Variants in CCDC170 observed in about 807,000 individuals in gnomAD.
CCDC170 encodes the protein coiled-coil domain containing 170, also known as coiled-coil domain-containing protein 170.
In CCDC170, 69 loss-of-function variants were observed where a neutral mutation model predicts 72.6. That is an observed-to-expected ratio of 0.95 (90% confidence interval 0.78 to 1.16). The LOEUF is 1.16. Ranked by LOEUF, CCDC170 falls within the 50% of genes most tolerant of loss-of-function variation. The probability of loss-of-function intolerance (pLI) is 0.00; values close to 1 mark genes in which losing one functional copy is unlikely to be tolerated. For synonymous variants in CCDC170, 300 were observed against 303.9 expected, an observed-to-expected ratio of 0.99 and a Z score of 0.13; for missense variants, 852 against 832.5, an observed-to-expected ratio of 1.02 and a Z score of -0.29.
intron 9 of CCDC170, among the ~76,000 whole-genome samples, chr6:151,605,044 C>A (rs1262462098): frequency 2.0e-5 from 3 of 152,166 alleles, no homozygotes; most frequent in Non-Finnish European, 4.4e-5. Context: ...TTTTCCTGTG[C>A]CCTGCCCCCA....
intron 1 of CCDC170, among the ~76,000 whole-genome samples, chr6:151,495,435 G>C (rs560546542): frequency 6.6e-6 from 1 of 151,956 alleles, no homozygotes; most frequent in South Asian, 2.1e-4. Context: ...GTAAATTACA[G>C]CCATCATGAT....
chr6:151,509,189 C>T (rs934748885), intron 1 of CCDC170, among the ~76,000 whole-genome samples: 1 of 151,416 alleles, frequency 6.6e-6, no homozygotes, highest in Non-Finnish European at 1.5e-5. Context: ...TCTCTCCCCC[C>T]TTTCGCTCTC....
intron 5 of CCDC170, among the ~76,000 whole-genome samples, chr6:151,558,737 T>C (rs1783028304): frequency 6.6e-6 from 1 of 152,182 alleles, no homozygotes; most frequent in Non-Finnish European, 1.5e-5. Flanking sequence ...TTCTTTATTC[T>C]GTTCCATTTA....
intron 6 of CCDC170, among the ~76,000 whole-genome samples, chr6:151,577,468 A>G (rs1399778971): frequency 2.0e-5 from 3 of 152,236 alleles, no homozygotes; most frequent in Admixed American, 1.3e-4. Flanking sequence ...CAATGACAGA[A>G]AGTTACGACA....
intron 5 of CCDC170, among the ~76,000 whole-genome samples, chr6:151,571,035 A>G (rs1776210707): frequency 6.6e-6 from 1 of 152,208 alleles, no homozygotes. Context: ...TTTCAAATTG[A>G]TGCCTGAGAC....
At chr6:151,519,305 G>C (rs548094627) in intron 1 of CCDC170, among the ~76,000 whole-genome samples, 1 of 152,186 alleles carries the variant, frequency 6.6e-6, no homozygotes, top group South Asian at 2.1e-4. Context: ...TTCCCTACTT[G>C]CATGTCCATT....
intron 1 of CCDC170, among the ~76,000 whole-genome samples, chr6:151,500,652 C>T (rs149569453): frequency 6.6e-6 from 1 of 152,148 alleles, no homozygotes; most frequent in East Asian, 1.9e-4. Flanking sequence ...ATGCAAAATA[C>T]TTTAACACAA....
At position 151,508,590 on chromosome 6, in the gene CCDC170, G is replaced by A. The variant is rs1782097407; in HGVS notation, c.57+14405G>A. On this transcript the variant is annotated intron_variant, in intron 1 of 10. Coordinates refer to ENST00000239374, the MANE Select transcript of CCDC170 (RefSeq NM_025059.4). ...TAGCCGGGAGTGGTAGCGTGTGCCT[G>A]TAATCCCAGCTACTCAGGAGGCTGA... Among the ~76,000 whole-genome samples the A allele has an allele frequency of 2.6e-5, 4 of 152,134 alleles. No homozygotes were observed. The South Asian group carries it at 6.2e-4, about 24-fold the overall frequency.
At chr6:151,500,566 T>C (rs1322174047) in intron 1 of CCDC170, among the ~76,000 whole-genome samples, 1 of 147,368 alleles carries the variant, frequency 6.8e-6, no homozygotes, top group African/African-American at 2.5e-5. Context: ...TATGGGAAGG[T>C]TGAAAGTAAA....
At chr6:151,497,996 A>C (rs1227626874) in intron 1 of CCDC170, among the ~76,000 whole-genome samples, 2 of 151,990 alleles carry the variant, frequency 1.3e-5, no homozygotes, top group Non-Finnish European at 2.9e-5. Flanking sequence ...CTAATTATAA[A>C]ATAGGATCAC....
At chr6:151,547,771 C>G (rs1173546309) in intron 4 of CCDC170, among the ~76,000 whole-genome samples, 2 of 152,190 alleles carry the variant, frequency 1.3e-5, no homozygotes, top group African/African-American at 2.4e-5. Flanking sequence ...CCCAGTTAAC[C>G]ATTCCAATGC....
intron 1 of CCDC170, among the ~76,000 whole-genome samples, chr6:151,532,141 A>C (rs1782499025): frequency 7.0e-6 from 1 of 143,084 alleles, no homozygotes; most frequent in Non-Finnish European, 1.6e-5. Flanking sequence ...TTTACAGTGC[A>C]AAACCCAGGA....
At chr6:151,524,656 A>G (rs187291873) in intron 1 of CCDC170, among the ~76,000 whole-genome samples, 194 of 152,252 alleles carry the variant, frequency 1.3e-3, no homozygotes, top group African/African-American at 4.5e-3. Flanking sequence ...TCCATTGACA[A>G]CCACCTCTAA....
At position 151,573,284 on chromosome 6, in the gene CCDC170, G is replaced by A; in HGVS notation, c.885G>A (p.Val295=). The A allele has an allele frequency of 1.2e-6, 2 of 1,614,192 alleles. No homozygotes were observed. The highest frequency in any genetic ancestry group is 1.7e-6 in the Non-Finnish European group (2 of 1,180,030). The part of the protein sequence containing the change: ...QQVWDASKQE[V]SLLKKSSSEL... Reference sequence around the variant, plus strand: ...TCTGGGATGCCTCAAAGCAGGAAGTGAGCCTCCTGAAGAAAAGCTCTTCTG... The same window carrying A: ...TCTGGGATGCCTCAAAGCAGGAAGTAAGCCTCCTGAAGAAAAGCTCTTCTG... Residue 295 remains valine, a synonymous_variant, in exon 6 of 11, where the codon GTG becomes GTA. Transcript: ENST00000239374.
At chr6:151,519,701 A>T (rs1782290403) in intron 1 of CCDC170, among the ~76,000 whole-genome samples, 1 of 152,164 alleles carries the variant, frequency 6.6e-6, no homozygotes, top group Admixed American at 6.6e-5. Flanking sequence ...ACTTCCCGCA[A>T]CATATATTAT....
At chr6:151,537,987 A>T in intron 2 of CCDC170, 58 bp from the exon 3 acceptor site, 1 of 1,507,752 alleles carries the variant, frequency 6.6e-7, no homozygotes, top group African/African-American at 1.4e-5. Flanking sequence ...TTTCTTAAAG[A>T]TAATTCAAAC....
intron 1 of CCDC170, among the ~76,000 whole-genome samples, chr6:151,509,222 G>GTATC (rs59062141): frequency 0.23 from 28,944 of 127,078 alleles, 2,854 homozygotes; most frequent in East Asian, 0.39. Context: ...ATCTATCTAT[G>GTATC]TATCTATCTA....
In CCDC170 at chr6:151,618,533, C is replaced by G. The variant is rs1399920404; in HGVS notation, c.*386C>G. The G allele has an allele frequency of 4.8e-6, 1 of 206,260 alleles. No individual in the cohort carries two copies. Among genetic ancestry groups the G allele is most frequent in the Non-Finnish European group, 1.0e-5 (1 of 100,484 alleles). 12.8% of individuals were successfully genotyped at this position (206,260 alleles called of 1,614,324 possible). ...TTTAATTTACAACCTTTCTGGGGCTCAGACATAAAGTTACCTATCCAAGGT... is the reference window on the plus strand; with the variant it reads ...TTTAATTTACAACCTTTCTGGGGCTGAGACATAAAGTTACCTATCCAAGGT... On this transcript the variant is annotated 3_prime_UTR_variant, in exon 11 of 11. Transcript: ENST00000239374.
chr6:151,522,095 G>A (rs1479767486), intron 1 of CCDC170, among the ~76,000 whole-genome samples: 1 of 152,092 alleles, frequency 6.6e-6, no homozygotes, highest in Non-Finnish European at 1.5e-5. Context: ...GGGAGGTGGA[G>A]GTTGCAGCGA....
Sources: allele counts gnomAD v4.1 joint callset (sites outside exome capture counted in the v4.1 genomes callset), GRCh38; gene constraint gnomAD v4.1.1; transcripts MANE v1.5; gene names NCBI Gene and HGNC (gene_info 2026-07-23, HGNC 2026-07-21).